SGCZ: variants seen among roughly 807,000 people sequenced by gnomAD.
SGCZ encodes zeta-sarcoglycan.
SGCZ carries 40 observed loss-of-function variants against 41.3 expected under a neutral mutation model. The observed-to-expected ratio is 0.97, with a 90% CI of 0.75 to 1.26. The LOEUF is 1.26. SGCZ is among the 50% of genes most tolerant of loss of function. The probability of loss-of-function intolerance (pLI) is 0.00; values close to 1 mark genes in which losing one functional copy is unlikely to be tolerated. For synonymous variants in SGCZ, 206 were observed against 137.5 expected, an observed-to-expected ratio of 1.50 and a Z score of -3.49; for missense variants, 552 against 369.8, an observed-to-expected ratio of 1.49 and a Z score of -4.04.
chr8:14,231,574 G>A (rs1379731372), intron 4 of SGCZ, among the ~76,000 whole-genome samples: 2 of 151,284 alleles, frequency 1.3e-5, no homozygotes, highest in Admixed American at 6.6e-5. Context: ...TTTCTGAATT[G>A]AGTTGGACCA....
intron 1 of SGCZ, among the ~76,000 whole-genome samples, chr8:15,039,117 T>G (rs918955892): frequency 6.6e-6 from 1 of 152,106 alleles, no homozygotes; most frequent in Non-Finnish European, 1.5e-5. Context: ...ATCCAGCAAC[T>G]CACTACCGGT....
At chr8:14,356,852 T>C (rs1042567479) in intron 2 of SGCZ, among the ~76,000 whole-genome samples, 1 of 152,094 alleles carries the variant, frequency 6.6e-6, no homozygotes. Flanking sequence ...TAGTATATTT[T>C]TTCTAATTGC....
intron 5 of SGCZ, among the ~76,000 whole-genome samples, chr8:14,116,844 C>T (rs896801067): frequency 6.6e-6 from 1 of 152,036 alleles, no homozygotes; most frequent in African/African-American, 2.4e-5. Context: ...GTCTGGTTTC[C>T]TTAATAATGA....
chr8:14,207,260 G>C (rs980392028), intron 4 of SGCZ, among the ~76,000 whole-genome samples: 1 of 119,500 alleles, frequency 8.4e-6, no homozygotes, highest in African/African-American at 3.4e-5. Flanking sequence ...CAATTTAAAT[G>C]TAACAATTTG....
intron 1 of SGCZ, among the ~76,000 whole-genome samples, chr8:15,094,298 C>T (rs1806256825): frequency 6.6e-6 from 1 of 152,082 alleles, no homozygotes. Context: ...CCATGCCTAG[C>T]TAATTTTTGT....
At position 14,255,040 on chromosome 8, in the gene SGCZ, G is replaced by A. The variant is rs919526648; in HGVS notation, c.337-17361C>T. On this transcript the variant is annotated intron_variant, in intron 3 of 7. Coordinates refer to ENST00000382080, the MANE Select transcript of SGCZ (RefSeq NM_139167.4). ...TGCTGCCTCTTCCAATGGGCATGGA[G>A]GTGGGTGGATGTCCTCTATGTATCT... 4.6e-5 allele frequency among the ~76,000 whole-genome samples: 7 copies of A among 152,136 alleles called. No homozygotes were observed. The East Asian group carries it at 1.2e-3, about 25-fold the overall frequency.
intron 1 of SGCZ, among the ~76,000 whole-genome samples, chr8:15,058,321 C>T (rs1804791382): frequency 1.3e-5 from 2 of 152,002 alleles, no homozygotes; most frequent in Non-Finnish European, 2.9e-5. Context: ...TGGAACATGC[C>T]ACTCATGGGG....
chr8:14,283,804 GTGCCATCAACCAA>G (rs1800529759), intron 3 of SGCZ, among the ~76,000 whole-genome samples: 1 of 152,210 alleles, frequency 6.6e-6, no homozygotes, highest in South Asian at 2.1e-4. Flanking sequence ...GCCATAGGCA[GTGCCATCAACCAA>G]TGTCCACTGC....
intron 5 of SGCZ, among the ~76,000 whole-genome samples, chr8:14,123,041 G>A (rs139719862): frequency 2.1e-4 from 32 of 152,296 alleles, no homozygotes; most frequent in African/African-American, 7.7e-4. Context: ...GAGAAGTCAT[G>A]ATAGTTCTGT....
At chr8:14,813,771 C>T (rs981316690) in intron 1 of SGCZ, among the ~76,000 whole-genome samples, 8 of 151,988 alleles carry the variant, frequency 5.3e-5, no homozygotes, top group Admixed American at 1.3e-4. Flanking sequence ...GGCCAACATG[C>T]AGAAACTTCA....
At chr8:14,726,315 T>TATAC (rs1810052637) in intron 1 of SGCZ, among the ~76,000 whole-genome samples, 1 of 123,140 alleles carries the variant, frequency 8.1e-6, no homozygotes, top group Non-Finnish European at 1.7e-5. Context: ...TAAATACATA[T>TATAC]ATATATATCT....
At chr8:14,818,447 G>T (rs542459078) in intron 1 of SGCZ, among the ~76,000 whole-genome samples, 1 of 151,890 alleles carries the variant, frequency 6.6e-6, no homozygotes, top group South Asian at 2.1e-4. Flanking sequence ...ATAACAAATC[G>T]ACACCAAAGA....
At chr8:15,217,310 G>C (rs1268738146) in intron 1 of SGCZ, among the ~76,000 whole-genome samples, 2 of 151,444 alleles carry the variant, frequency 1.3e-5, no homozygotes, top group Non-Finnish European at 2.9e-5. Context: ...CCAGCTACTT[G>C]GGAGGCTGAG....
At chr8:14,812,964 G>C (rs535798312) in intron 1 of SGCZ, among the ~76,000 whole-genome samples, 2 of 152,198 alleles carry the variant, frequency 1.3e-5, no homozygotes, top group African/African-American at 2.4e-5. Flanking sequence ...TATAACTCAA[G>C]AAGCATGTTC....
chr8:15,214,701 A>G (rs188356600), intron 1 of SGCZ, among the ~76,000 whole-genome samples: 140 of 152,278 alleles, frequency 9.2e-4, no homozygotes, highest in African/African-American at 3.3e-3. Flanking sequence ...TTCCTCACAG[A>G]GGTCATATTT....
intron 1 of SGCZ, among the ~76,000 whole-genome samples, chr8:15,138,074 G>C (rs1015726642): frequency 1.9e-4 from 29 of 152,302 alleles, no homozygotes; most frequent in Admixed American, 1.7e-3. Flanking sequence ...TCTTGCATCA[G>C]CATGACTTGG....
chr8:14,372,310 C>T (rs138757638), intron 2 of SGCZ, among the ~76,000 whole-genome samples: 3,003 of 152,248 alleles, frequency 0.02, 78 homozygotes, highest in African/African-American at 0.055. Flanking sequence ...GTATACCCAA[C>T]CAACAGTAAC....
At chr8:14,180,308 C>G (rs77698785) in intron 4 of SGCZ, among the ~76,000 whole-genome samples, 5,660 of 152,236 alleles carry the variant, frequency 0.037, 182 homozygotes, top group African/African-American at 0.087. Context: ...AAAGGAGTGT[C>G]CTGATCACTA....
intron 1 of SGCZ, among the ~76,000 whole-genome samples, chr8:15,011,960 G>T (rs1585470898): frequency 6.6e-6 from 1 of 152,042 alleles, no homozygotes; most frequent in African/African-American, 2.4e-5. Flanking sequence ...AATTTACCAA[G>T]AAATTACGTC....
Sources: allele counts gnomAD v4.1 joint callset (sites outside exome capture counted in the v4.1 genomes callset), GRCh38; gene constraint gnomAD v4.1.1; transcripts MANE v1.5; gene names NCBI Gene and HGNC (gene_info 2026-07-23, HGNC 2026-07-21).